ATRNL1: variants seen among roughly 807,000 people sequenced by gnomAD.
ATRNL1 encodes attractin-like protein 1.
A neutral mutation model predicts 182.7 loss-of-function variants in ATRNL1; 95 were observed. The ratio of observed to expected loss-of-function variants is 0.52; its 90% CI spans 0.44 to 0.62. The LOEUF is 0.62. Among genes scored for constraint, ATRNL1 ranks in the 20% least tolerant of loss-of-function variants. The pLI is 0.00. For missense variants in ATRNL1, 1,471 were observed against 1,679.5 expected (o/e 0.88, Z 2.17); for synonymous variants, 576 against 568.3 (o/e 1.01, Z -0.19).
intron 27 of ATRNL1, among the ~76,000 whole-genome samples, chr10:115,845,505 A>C (rs1012186328): frequency 6.6e-6 from 1 of 151,894 alleles, no homozygotes; most frequent in Non-Finnish European, 1.5e-5. Flanking sequence ...TTCTCCGTTG[A>C]TGCTGTTGAT....
At position 115,904,919 on chromosome 10, in the gene ATRNL1, A is replaced by G. The variant is rs115664019; in HGVS notation, c.4019-39739A>G. On this transcript the variant is annotated intron_variant, in intron 28 of 28. Transcript: ENST00000355044. Reference sequence around the variant, plus strand: ...TTTTTGATATTGCTCAGTGCCAGGTACTGGGGTTATTGATACATAAGACGA... The same window carrying G: ...TTTTTGATATTGCTCAGTGCCAGGTGCTGGGGTTATTGATACATAAGACGA... Among the ~76,000 whole-genome samples, 609 of 152,308 alleles carry G rather than the reference A, an allele frequency of 4.0e-3. 4 individuals carry two copies. Among genetic ancestry groups the G allele is most frequent in the African/African-American group, 0.014 (575 of 41,570 alleles).
intron 8 of ATRNL1, among the ~76,000 whole-genome samples, chr10:115,209,010 C>T (rs564377922): frequency 5.3e-5 from 8 of 151,496 alleles, no homozygotes; most frequent in East Asian, 1.9e-4. Flanking sequence ...TAAAATACTA[C>T]GGAAGCAAAA....
At chr10:115,763,839 T>C (rs562623761) in intron 27 of ATRNL1, among the ~76,000 whole-genome samples, 25 of 152,344 alleles carry the variant, frequency 1.6e-4, no homozygotes, top group Non-Finnish European at 2.9e-4. Context: ...GAAACACTTT[T>C]AGAAGAAATA....
intron 25 of ATRNL1, among the ~76,000 whole-genome samples, chr10:115,544,393 G>A (rs1035500083): frequency 1.3e-5 from 2 of 152,102 alleles, no homozygotes; most frequent in Admixed American, 1.3e-4. Flanking sequence ...GAGTTTAATT[G>A]GCTCATGGTT....
chr10:115,768,951 C>A (rs1350023523), intron 27 of ATRNL1, among the ~76,000 whole-genome samples: 1 of 151,468 alleles, frequency 6.6e-6, no homozygotes, highest in Non-Finnish European at 1.5e-5. Context: ...TCTTGTCTTA[C>A]TAGTGAAAAA....
At chr10:115,245,218 G>T (rs1473331611) in intron 10 of ATRNL1, among the ~76,000 whole-genome samples, 1 of 151,890 alleles carries the variant, frequency 6.6e-6, no homozygotes, top group Non-Finnish European at 1.5e-5. Context: ...CACTTAACTG[G>T]CCGGGCACGG....
chr10:115,790,792 G>A (rs555155473), intron 27 of ATRNL1, among the ~76,000 whole-genome samples: 2 of 152,094 alleles, frequency 1.3e-5, no homozygotes, highest in South Asian at 2.1e-4. Flanking sequence ...TAAGCTTAAA[G>A]TAGAAAGAAT....
At chr10:115,151,425 G>A (rs1441056655) in intron 5 of ATRNL1, among the ~76,000 whole-genome samples, 2 of 152,212 alleles carry the variant, frequency 1.3e-5, no homozygotes, top group Non-Finnish European at 2.9e-5. Context: ...TAACTGGTGT[G>A]AGATGGTATC....
intron 26 of ATRNL1, among the ~76,000 whole-genome samples, chr10:115,708,464 C>T (rs190712828): frequency 3.0e-3 from 462 of 151,746 alleles, no homozygotes; most frequent in Middle Eastern, 0.01. Flanking sequence ...AATCTATATA[C>T]GTTGATAATT....
chr10:115,538,838 T>C (rs189783718), intron 25 of ATRNL1, among the ~76,000 whole-genome samples: 155 of 152,322 alleles, frequency 1.0e-3, no homozygotes, highest in African/African-American at 3.4e-3. Context: ...AACATTTTGG[T>C]CTATGACAGA....
At chr10:115,328,669 G>C (rs1430925487) in intron 18 of ATRNL1, among the ~76,000 whole-genome samples, 1 of 151,850 alleles carries the variant, frequency 6.6e-6, no homozygotes, top group Non-Finnish European at 1.5e-5. Flanking sequence ...ATATGACTGA[G>C]ATCATGTGGT....
chr10:115,621,748 T>A (rs1056265612), intron 26 of ATRNL1, among the ~76,000 whole-genome samples: 1 of 152,228 alleles, frequency 6.6e-6, no homozygotes, highest in African/African-American at 2.4e-5. Flanking sequence ...TTCTTATTAA[T>A]CTTTCAGAGC....
intron 9 of ATRNL1, among the ~76,000 whole-genome samples, chr10:115,227,415 G>A (rs1849745652): frequency 6.6e-6 from 1 of 152,164 alleles, no homozygotes; most frequent in Non-Finnish European, 1.5e-5. Flanking sequence ...CAACAACACA[G>A]CAGATTCTTA....
intron 26 of ATRNL1, among the ~76,000 whole-genome samples, chr10:115,566,850 T>C (rs1854103328): frequency 6.6e-6 from 1 of 152,162 alleles, no homozygotes; most frequent in East Asian, 1.9e-4. Context: ...TAATTGTGGC[T>C]GTAGTTATTC....
chr10:115,325,477 C>A (rs1554932913), intron 18 of ATRNL1, among the ~76,000 whole-genome samples: 1 of 152,144 alleles, frequency 6.6e-6, no homozygotes, highest in African/African-American at 2.4e-5. Context: ...CCATTGCTAC[C>A]ATATTAGTTA....
chr10:115,436,804 G>A (rs1846424413), intron 21 of ATRNL1, among the ~76,000 whole-genome samples: 1 of 151,966 alleles, frequency 6.6e-6, no homozygotes, highest in South Asian at 2.1e-4. Context: ...TTATTGACTA[G>A]CTACTTTGTT....
chr10:115,469,409 T>C, intron 24 of ATRNL1, 80 bp downstream of exon 24: 2 of 915,428 alleles, frequency 2.2e-6, no homozygotes, highest in South Asian at 2.0e-5. Flanking sequence ...AGTGATGATA[T>C]ATGTACATTT....
At chr10:115,883,586 G>A (rs1951876884) in intron 28 of ATRNL1, among the ~76,000 whole-genome samples, 1 of 152,240 alleles carries the variant, frequency 6.6e-6, no homozygotes, top group African/African-American at 2.4e-5. Flanking sequence ...CAATGCAGAT[G>A]GATCCTGTGT....
intron 26 of ATRNL1, chr10:115,597,666 G>T (rs781846881): frequency 6.7e-6 from 3 of 447,626 alleles, no homozygotes; most frequent in South Asian, 4.7e-5. Flanking sequence ...TCCGCATCCT[G>T]GGTCAAGCAA....
Sources: gnomAD v4.1 joint callset for allele counts (sites outside exome capture counted in the v4.1 genomes callset) on GRCh38, gnomAD v4.1.1 for gene constraint, MANE v1.5 for transcripts, NCBI Gene and HGNC (gene_info 2026-07-23, HGNC 2026-07-21) for gene names.